NOX4: variants seen among roughly 807,000 people sequenced by gnomAD.
NOX4 encodes NADPH oxidase 4, also known as kidney oxidase-1.
Under a neutral mutation model 87.6 loss-of-function variants are expected in NOX4, and 69 were observed. The observed-to-expected ratio is 0.79, with a 90% CI of 0.65 to 0.96. The LOEUF is 0.96. NOX4 is among the 40% of genes least tolerant of loss of function. NOX4 has a pLI of 0.00. For missense variants in NOX4, 680 were observed against 681.5 expected (o/e 1.00, Z 0.02); for synonymous variants, 275 against 238.2 (o/e 1.15, Z -1.42).
the NOX4 span, among the ~76,000 whole-genome samples, chr11:89,561,502 G>A: frequency 2.6e-5 from 4 of 152,074 alleles, no homozygotes; most frequent in African/African-American, 9.7e-5. Flanking sequence ...CAAAGCATAG[G>A]TTTGTAAAAA....
chr11:89,556,343 C>A, the NOX4 span, among the ~76,000 whole-genome samples: 28 of 151,876 alleles, frequency 1.8e-4, no homozygotes, highest in Admixed American at 3.9e-4. Context: ...GCCAACATGG[C>A]GAAACCTCAT....
At chr11:89,409,561 C>T (rs1328014138) in intron 8 of NOX4, among the ~76,000 whole-genome samples, 40 of 152,068 alleles carry the variant, frequency 2.6e-4, no homozygotes. Flanking sequence ...GACCTCAATC[C>T]CTACTGCCAA....
At chr11:89,531,227 G>T in the NOX4 span, among the ~76,000 whole-genome samples, 1 of 152,058 alleles carries the variant, frequency 6.6e-6, no homozygotes. Flanking sequence ...GATCAACATA[G>T]CTCTGGGTAG....
In NOX4 at chr11:89,423,725, C is replaced by G. The variant is rs77273516; in HGVS notation, c.549-1743G>C. Among the ~76,000 whole-genome samples, 327 of 151,820 alleles carry G rather than the reference C, an allele frequency of 2.2e-3. 1 individual carries two copies. Among genetic ancestry groups the G allele is most frequent in the Non-Finnish European group, 3.6e-3 (242 of 67,950 alleles). On this transcript the variant is annotated intron_variant, in intron 7 of 17. Coordinates refer to ENST00000263317, the MANE Select transcript of NOX4 (RefSeq NM_016931.5). The stretch of plus-strand genomic sequence containing the variant: ...ACAAACAAAATAACCTGTCTGAGAA[C>G]GTTGTTGAAATTGCAACACTCCTTA...
chr11:89,450,649 G>A (rs1944917044), intron 3 of NOX4, among the ~76,000 whole-genome samples: 1 of 151,536 alleles, frequency 6.6e-6, no homozygotes, highest in Admixed American at 6.6e-5. Flanking sequence ...GTATACATGT[G>A]CCATGCTGGT....
chr11:89,545,211 G>C, the NOX4 span: 2 of 152,076 alleles, frequency 1.3e-5, no homozygotes, highest in Non-Finnish European at 2.9e-5. Context: ...TCAGATGCTA[G>C]GCATTTAGTT....
chr11:89,536,247 C>A, the NOX4 span, among the ~76,000 whole-genome samples: 2 of 150,080 alleles, frequency 1.3e-5, no homozygotes, highest in African/African-American at 4.9e-5. Flanking sequence ...CCCGGGTTCA[C>A]GCCATTCTCC....
At chr11:89,360,384 T>C (rs1215183996) in intron 12 of NOX4, among the ~76,000 whole-genome samples, 2 of 152,116 alleles carry the variant, frequency 1.3e-5, no homozygotes, top group African/African-American at 2.4e-5. Context: ...AGGTGATAAA[T>C]ACGTTAATTA....
the NOX4 span, among the ~76,000 whole-genome samples, chr11:89,563,464 C>T: frequency 6.6e-6 from 1 of 152,274 alleles, no homozygotes; most frequent in Non-Finnish European, 1.5e-5. Flanking sequence ...AACCATATCA[C>T]TTATCTCTGC....
At chr11:89,573,402 G>A in the NOX4 span, among the ~76,000 whole-genome samples, 1 of 152,182 alleles carries the variant, frequency 6.6e-6, no homozygotes, top group African/African-American at 2.4e-5. Context: ...AGCCAGGCGT[G>A]GTGGCGGACG....
chr11:89,418,708 G>A (rs1285389038), intron 8 of NOX4, among the ~76,000 whole-genome samples: 2 of 151,930 alleles, frequency 1.3e-5, no homozygotes, highest in Admixed American at 6.6e-5. Context: ...AACCAAAAAC[G>A]AAAGAACATT....
chr11:89,423,611 G>T (rs1943208297), intron 7 of NOX4, among the ~76,000 whole-genome samples: 2 of 152,040 alleles, frequency 1.3e-5, no homozygotes, highest in Middle Eastern at 6.8e-3. Context: ...TGTTTAGTAA[G>T]GCACATCCCT....
At chr11:89,354,249 A>G (rs1937812469) in intron 13 of NOX4, among the ~76,000 whole-genome samples, 1 of 152,174 alleles carries the variant, frequency 6.6e-6, no homozygotes, top group Non-Finnish European at 1.5e-5. Context: ...CTAACAATTA[A>G]AGAGAGTTAA....
chr11:89,466,616 A>G (rs1945707699), intron 2 of NOX4, among the ~76,000 whole-genome samples: 1 of 152,206 alleles, frequency 6.6e-6, no homozygotes, highest in African/African-American at 2.4e-5. Context: ...TTGGGACACT[A>G]GGAGTTCAAT....
intron 7 of NOX4, among the ~76,000 whole-genome samples, chr11:89,429,398 T>A (rs940009212): frequency 6.6e-6 from 1 of 151,906 alleles, no homozygotes; most frequent in Non-Finnish European, 1.5e-5. Flanking sequence ...AAAAAACCCT[T>A]CAAAAAATCA....
chr11:89,427,956 G>A (rs1254887500), intron 7 of NOX4, among the ~76,000 whole-genome samples: 2 of 152,142 alleles, frequency 1.3e-5, no homozygotes, highest in Non-Finnish European at 2.9e-5. Flanking sequence ...AAAATGTTAA[G>A]GGCAGCCAGA....
At chr11:89,479,674 A>T (rs963563534) in intron 2 of NOX4, among the ~76,000 whole-genome samples, 1 of 152,176 alleles carries the variant, frequency 6.6e-6, no homozygotes, top group East Asian at 1.9e-4. Context: ...GCCATTGTCA[A>T]ATTCAACTTT....
chr11:89,543,615 AG>A, the NOX4 span, among the ~76,000 whole-genome samples: 1 of 152,110 alleles, frequency 6.6e-6, no homozygotes, highest in East Asian at 1.9e-4. Flanking sequence ...TTTACATAAT[AG>A]GGAGTCGAGG....
the NOX4 span, among the ~76,000 whole-genome samples, chr11:89,552,769 T>A: frequency 6.6e-6 from 1 of 152,158 alleles, no homozygotes; most frequent in Non-Finnish European, 1.5e-5. Context: ...TAGTATCTGA[T>A]CACACAGTAA....
Sources: allele counts gnomAD v4.1 joint callset (sites outside exome capture counted in the v4.1 genomes callset), GRCh38; gene constraint gnomAD v4.1.1; transcripts MANE v1.5; gene names NCBI Gene and HGNC (gene_info 2026-07-23, HGNC 2026-07-21).